Variants in AK8 observed in about 807,000 individuals in gnomAD.
The protein encoded by AK8 is adenylate kinase 8, also known as ATP-AMP transphosphorylase 8.
In AK8, 44 loss-of-function variants were observed where a neutral mutation model predicts 54.6. The ratio of observed to expected loss-of-function variants is 0.81; its 90% CI spans 0.63 to 1.04. AK8 has a LOEUF of 1.04. AK8 is among the 50% of genes least tolerant of loss of function. AK8 has a pLI of 0.00. For missense variants in AK8, 555 were observed against 613.6 expected (o/e 0.90, Z 1.01); for synonymous variants, 239 against 245.6 (o/e 0.97, Z 0.25).
chr9:132,844,211 T>C (rs1227368804), intron 5 of AK8, among the ~76,000 whole-genome samples: 1 of 150,666 alleles, frequency 6.6e-6, no homozygotes, highest in East Asian at 1.9e-4. Context: ...CTTTTGATCG[T>C]TCCAATACAG....
At chr9:132,865,102 A>G (rs1843533372) in intron 3 of AK8, among the ~76,000 whole-genome samples, 1 of 152,164 alleles carries the variant, frequency 6.6e-6, no homozygotes, top group African/African-American at 2.4e-5. Flanking sequence ...TGGAAATGCT[A>G]ATGATCAGCA....
rs970933628 is a variant in AK8 at position 132,844,220 on chromosome 9, A to C, written c.402+10637T>G. Reference sequence around the variant, plus strand: ...CAACTCCTTTTGATCGTTCCAATACAGAGTGCTAATTTTTCTTTCTCTAAT... The same window carrying C: ...CAACTCCTTTTGATCGTTCCAATACCGAGTGCTAATTTTTCTTTCTCTAAT... On this transcript the variant is annotated intron_variant, in intron 5 of 12. Coordinates refer to ENST00000298545, the MANE Select transcript of AK8 (RefSeq NM_152572.3). Among the ~76,000 whole-genome samples the C allele has an allele frequency of 3.3e-5, 5 of 151,246 alleles. No homozygotes were observed. The South Asian group carries it at 8.4e-4, about 25-fold the overall frequency.
At position 132,725,645 on chromosome 9, in the gene AK8, G is replaced by A. The variant is rs1321424387; in HGVS notation, c.*43C>T. The A allele has an allele frequency of 6.6e-7, 1 of 1,513,218 alleles. No homozygotes were observed. Among genetic ancestry groups the A allele is most frequent in the Admixed American group, 2.0e-5 (1 of 50,996 alleles). The allele number at this position is 1,513,218 out of a possible 1,614,324, so 93.7% of individuals were successfully genotyped here. A position where few individuals can be genotyped will look rare whatever the true frequency, so the allele number is the denominator to read the frequency against. On this transcript the variant is annotated 3_prime_UTR_variant, in exon 13 of 13. Transcript: ENST00000298545. ...CGAGGCTGGGGGGCTGGGGGCAGGG[G>A]ATTAACTCTTTCCCTGGGGCAGCGC... is the stretch of plus-strand genomic sequence containing the variant.
intron 11 of AK8, among the ~76,000 whole-genome samples, chr9:132,746,315 T>A (rs1043190369): frequency 1.3e-5 from 2 of 152,204 alleles, no homozygotes; most frequent in African/African-American, 4.8e-5. Flanking sequence ...GAATGTATTT[T>A]ACTCCCACTT....
intron 11 of AK8, among the ~76,000 whole-genome samples, chr9:132,780,222 G>C (rs996999493): frequency 2.6e-5 from 4 of 152,164 alleles, no homozygotes; most frequent in Admixed American, 2.0e-4. Flanking sequence ...AGAGGAAGTT[G>C]AGAAAGGCAG....
At chr9:132,848,972 G>GCA (rs1842865190) in intron 5 of AK8, among the ~76,000 whole-genome samples, 2 of 147,504 alleles carry the variant, frequency 1.4e-5, no homozygotes, top group African/African-American at 5.1e-5. Flanking sequence ...GCAGTGGCGT[G>GCA]ATCTCGGCTC....
chr9:132,800,164 T>C (rs889055914), intron 10 of AK8, among the ~76,000 whole-genome samples: 6 of 152,156 alleles, frequency 3.9e-5, no homozygotes, highest in African/African-American at 1.4e-4. Flanking sequence ...CTGGAGGCCA[T>C]CACTCTCGGG....
At chr9:132,757,444 G>A (rs1339104417) in intron 11 of AK8, among the ~76,000 whole-genome samples, 1 of 152,202 alleles carries the variant, frequency 6.6e-6, no homozygotes, top group South Asian at 2.1e-4. Flanking sequence ...GAACAATCCG[G>A]GCTATGCCTG....
chr9:132,755,811 A>G (rs920666314), intron 11 of AK8, among the ~76,000 whole-genome samples: 4 of 148,640 alleles, frequency 2.7e-5, no homozygotes, highest in Non-Finnish European at 4.4e-5. Context: ...CTTGTTTCCC[A>G]GGCTGGAGTG....
At chr9:132,740,773 C>T (rs939286010) in intron 11 of AK8, among the ~76,000 whole-genome samples, 30 of 152,182 alleles carry the variant, frequency 2.0e-4, no homozygotes, top group Admixed American at 1.6e-3. Context: ...GCGAGGAACC[C>T]ACCCAGGCCT....
chr9:132,841,426 T>C (rs548139917), intron 5 of AK8, among the ~76,000 whole-genome samples: 9 of 152,198 alleles, frequency 5.9e-5, no homozygotes, highest in Non-Finnish European at 1.3e-4. Flanking sequence ...TGCAGCGGCG[T>C]GGGGGTAGCA....
chr9:132,804,166 G>C lies in AK8; in HGVS notation c.979+10472C>G, dbSNP rs1345350568. On this transcript the variant is annotated intron_variant, in intron 10 of 12. Coordinates refer to ENST00000298545, the MANE Select transcript of AK8 (RefSeq NM_152572.3). ...AAGCCACTGGGGCTGCCCATGGAGA[G>C]GGACCTCACCCGAATAGAAATGCAG... Among the ~76,000 whole-genome samples, 3 of 151,560 alleles carry C rather than the reference G, an allele frequency of 2.0e-5. No individual in the cohort carries two copies. The East Asian group carries it at 5.8e-4, about 29-fold the overall frequency.
At chr9:132,841,373 T>G (rs1842539424) in intron 5 of AK8, among the ~76,000 whole-genome samples, 1 of 152,238 alleles carries the variant, frequency 6.6e-6, no homozygotes, top group Admixed American at 6.5e-5. Flanking sequence ...TCTCCGCACA[T>G]GACGAGCCGT....
At chr9:132,742,251 T>C (rs978482360) in intron 11 of AK8, among the ~76,000 whole-genome samples, 2 of 150,790 alleles carry the variant, frequency 1.3e-5, no homozygotes, top group African/African-American at 4.9e-5. Flanking sequence ...CACAGCTCAC[T>C]GCAGCTTCGA....
At chr9:132,800,335 GT>G (rs1251242755) in intron 10 of AK8, among the ~76,000 whole-genome samples, 1 of 152,190 alleles carries the variant, frequency 6.6e-6, no homozygotes, top group African/African-American at 2.4e-5. Context: ...CCACCTGCTG[GT>G]GAAACATGGG....
intron 4 of AK8, chr9:132,861,444 T>A (rs1206058602): frequency 1.3e-5 from 2 of 152,234 alleles, no homozygotes; most frequent in Non-Finnish European, 2.9e-5. Flanking sequence ...ATACCCTGGC[T>A]TGTGCTTAGT....
At chr9:132,871,116 G>A (rs993360706) in intron 2 of AK8, among the ~76,000 whole-genome samples, 2 of 152,088 alleles carry the variant, frequency 1.3e-5, no homozygotes, top group African/African-American at 4.8e-5. Context: ...CATGGTGGCG[G>A]GTGCCTGTAA....
intron 11 of AK8, among the ~76,000 whole-genome samples, chr9:132,785,207 C>T (rs1021154285): frequency 1.3e-5 from 2 of 151,740 alleles, no homozygotes; most frequent in African/African-American, 4.8e-5. Flanking sequence ...CGGGTTCAAG[C>T]AGTTCCCTGC....
At chr9:132,824,045 G>A (rs1258159897) in intron 8 of AK8, among the ~76,000 whole-genome samples, 1 of 152,182 alleles carries the variant, frequency 6.6e-6, no homozygotes, top group Non-Finnish European at 1.5e-5. Flanking sequence ...GAGATGGGGT[G>A]AGTGTCTCCA....
Sources: allele counts gnomAD v4.1 joint callset (sites outside exome capture counted in the v4.1 genomes callset), GRCh38; gene constraint gnomAD v4.1.1; transcripts MANE v1.5; gene names NCBI Gene and HGNC (gene_info 2026-07-23, HGNC 2026-07-21).